The following BCAP29 variants were observed in gnomAD, a reference collection of about 807,000 sequenced individuals.
BCAP29 encodes the protein B cell receptor associated protein 29.
In BCAP29, 34 loss-of-function variants were observed where a neutral mutation model predicts 31.8. The ratio of observed to expected loss-of-function variants is 1.07; its 90% confidence interval spans 0.81 to 1.42. The LOEUF (loss-of-function observed/expected upper bound fraction) is 1.42, where lower values mean the gene tolerates loss of function less well. Ranked by LOEUF, BCAP29 falls within the 40% of genes most tolerant of loss-of-function variation. The pLI is 0.00. For synonymous variants in BCAP29, 104 were observed against 91.3 expected (o/e 1.14, Z -0.79); for missense variants, 314 against 269.2 (o/e 1.17, Z -1.16).
intron 7 of BCAP29, chr7:107,613,783 A>C: frequency 6.9e-7 from 1 of 1,449,798 alleles, no homozygotes; most frequent in Non-Finnish European, 9.7e-7. Context: ...AAATGAGGCC[A>C]AAATTTCAAG....
intron 6 of BCAP29, 53 bp downstream of exon 6, chr7:107,600,558 T>TA: frequency 7.6e-6 from 8 of 1,059,594 alleles, no homozygotes; most frequent in Non-Finnish European, 1.1e-5. Context: ...TATTTTATGC[T>TA]GTACACTTCA....
intron 3 of BCAP29, among the ~76,000 whole-genome samples, chr7:107,585,916 G>T (rs188564471): frequency 5.3e-4 from 80 of 152,198 alleles, no homozygotes; most frequent in African/African-American, 1.8e-3. Context: ...GTTTGCACCC[G>T]AGAGGCAGAG....
At chr7:107,607,696 G>T (rs1812368924) in intron 6 of BCAP29, among the ~76,000 whole-genome samples, 1 of 148,918 alleles carries the variant, frequency 6.7e-6, no homozygotes, top group Non-Finnish European at 1.5e-5. Flanking sequence ...GAGTGCAGTG[G>T]CGCAATCTTG....
At chr7:107,609,901 C>G (rs1812821245) in intron 6 of BCAP29, among the ~76,000 whole-genome samples, 1 of 152,210 alleles carries the variant, frequency 6.6e-6, no homozygotes, top group Non-Finnish European at 1.5e-5. Context: ...TGGCTCAGTC[C>G]TTACAGCTGT....
chr7:107,598,203 G>A (rs1246278293), intron 5 of BCAP29, among the ~76,000 whole-genome samples: 2 of 152,184 alleles, frequency 1.3e-5, no homozygotes, highest in Non-Finnish European at 2.9e-5. Flanking sequence ...TCTAATTTGG[G>A]TAATCACTGG....
At chr7:107,593,843 C>T (rs1031116737) in intron 3 of BCAP29, 112 bp from the exon 4 acceptor site, 3 of 1,099,608 alleles carry the variant, frequency 2.7e-6, no homozygotes, top group Non-Finnish European at 3.8e-6. Flanking sequence ...GTCGCCTCTG[C>T]CTAAAGTCCA....
At chr7:107,602,964 C>CTTTTTTTTTTTTTTTT (rs34887499) in intron 6 of BCAP29, among the ~76,000 whole-genome samples, 1 of 68,288 alleles carries the variant, frequency 1.5e-5, no homozygotes, top group Non-Finnish European at 2.5e-5. Flanking sequence ...TTCTTTTATT[C>CTTTTTTTTTTTTTTTT]TTTTTTTTTT....
chr7:107,602,699 A>T (rs1811370854), intron 6 of BCAP29, among the ~76,000 whole-genome samples: 1 of 152,152 alleles, frequency 6.6e-6, no homozygotes, highest in Non-Finnish European at 1.5e-5. Flanking sequence ...TATTTAAGCT[A>T]GTTAGCCCCA....
intron 6 of BCAP29, chr7:107,603,612 T>C (rs1322244335): frequency 6.7e-6 from 1 of 148,780 alleles, no homozygotes; most frequent in Non-Finnish European, 1.5e-5. Flanking sequence ...CAATTTTTTT[T>C]TTTTTTTTTT....
chr7:107,600,444 A>G lies in BCAP29; in HGVS notation c.528A>G (p.Glu176=). ...GKDEECVLEA[E]NKKLVEDQEK... ...ATGAAGAATGTGTTTTGGAAGCAGAAAATAAAAAACTAGTAGAAGACCAGG... is the reference window on the plus strand; with the variant it reads ...ATGAAGAATGTGTTTTGGAAGCAGAGAATAAAAAACTAGTAGAAGACCAGG... The change falls in exon 6 of 8, where the codon GAA becomes GAG. Residue 176 remains glutamate (E), a synonymous_variant. Coordinates refer to ENST00000005259, the MANE Select transcript of BCAP29 (RefSeq NM_018844.4). The G allele has an allele frequency of 1.2e-6, 2 of 1,611,610 alleles. No individual in the cohort carries two copies. The highest frequency in any genetic ancestry group is 2.2e-5 in the South Asian group (2 of 90,940).
In BCAP29 at chr7:107,618,263, C is replaced by T. The variant is rs955991730; in HGVS notation, c.691-65C>T. The stretch of plus-strand genomic sequence containing the variant: ...GAAGAGAGAATGTTTTTTAAAAGTC[C>T]TTGTCATGTCTATGAATCTGTTTCT... On this transcript the variant is annotated intron_variant, in intron 7 of 7. Coordinates refer to ENST00000005259, the MANE Select transcript of BCAP29 (RefSeq NM_018844.4). 6 of 1,194,304 alleles carry T rather than the reference C, an allele frequency of 5.0e-6. No individual in the cohort carries two copies. The African/African-American group carries it at 7.6e-5, about 15-fold the overall frequency. The allele number at this position is 1,194,304 out of a possible 1,614,324, so 74.0% of individuals were successfully genotyped here. A position where few individuals can be genotyped will look rare whatever the true frequency, so the allele number is the denominator to read the frequency against.
Position 107,613,350 on chromosome 7 carries a change from A to C in BCAP29, c.608A>C (p.Asn203Thr). ...KTSDALSKAQ[N>T]DVMEMKMQSE... ...TTTCTAGCCCTTTCTAAGGCACAAA[A>C]TGATGTGATGGAAATGAAGATGCAG... Residue 203 changes from asparagine (N) to threonine (T), a missense_variant, in exon 7 of 8, where the codon AAT becomes ACT. Transcript: ENST00000005259. 1 of 1,610,526 alleles carries C rather than the reference A, an allele frequency of 6.2e-7. No homozygotes were observed. Among genetic ancestry groups the C allele is most frequent in the South Asian group, 1.1e-5 (1 of 90,776 alleles).
At chr7:107,594,280 C>G (rs1809405688) in intron 4 of BCAP29, 175 bp downstream of exon 4, 4 of 596,122 alleles carry the variant, frequency 6.7e-6, no homozygotes, top group Non-Finnish European at 1.2e-5. Flanking sequence ...CTTCAAACTC[C>G]TGGGTTCAAG....
At chr7:107,617,560 T>C (rs565181075) in intron 7 of BCAP29, among the ~76,000 whole-genome samples, 1 of 152,300 alleles carries the variant, frequency 6.6e-6, no homozygotes, top group South Asian at 2.1e-4. Context: ...TTTTGGAAAA[T>C]CAGCCATCAC....
At chr7:107,593,026 T>C (rs1809159571) in intron 3 of BCAP29, among the ~76,000 whole-genome samples, 1 of 152,204 alleles carries the variant, frequency 6.6e-6, no homozygotes, top group South Asian at 2.1e-4. Context: ...AACTACTGAA[T>C]TATACATTTT....
At chr7:107,598,523 G>C (rs182339577) in intron 5 of BCAP29, among the ~76,000 whole-genome samples, 12 of 151,930 alleles carry the variant, frequency 7.9e-5, no homozygotes, top group Non-Finnish European at 1.5e-4. Context: ...TTTTATGCTC[G>C]TTTCGTCCTT....
At chr7:107,601,436 A>G (rs1401457022) in intron 6 of BCAP29, among the ~76,000 whole-genome samples, 4 of 152,230 alleles carry the variant, frequency 2.6e-5, no homozygotes, top group Admixed American at 6.5e-5. Context: ...ATGTGATACA[A>G]AATTCTTTAG....
chr7:107,620,556 C>G (rs1305960534), downstream of BCAP29: 1 of 152,154 alleles, frequency 6.6e-6, no homozygotes, highest in Admixed American at 6.5e-5. Flanking sequence ...ATTATAAATT[C>G]AAACACAGGA....
At chr7:107,606,623 A>G (rs1251287173) in intron 6 of BCAP29, among the ~76,000 whole-genome samples, 1 of 152,210 alleles carries the variant, frequency 6.6e-6, no homozygotes, top group African/African-American at 2.4e-5. Context: ...CAAGTCTTAA[A>G]TGTAGGGCAT....
Sources: allele counts gnomAD v4.1 joint callset (sites outside exome capture counted in the v4.1 genomes callset), GRCh38; gene constraint gnomAD v4.1.1; transcripts MANE v1.5; gene names NCBI Gene and HGNC (gene_info 2026-07-23, HGNC 2026-07-21).